The following ROS1 variants were observed in gnomAD, a reference collection of about 807,000 sequenced individuals.
ROS1 encodes the protein ROS proto-oncogene 1, receptor tyrosine kinase.
Under a neutral mutation model 273.5 loss-of-function variants are expected in ROS1, and 263 were observed. The observed-to-expected ratio is 0.96, with a 90% CI of 0.87 to 1.06. ROS1 has a LOEUF of 1.06. Ranked by LOEUF, ROS1 falls within the 50% of genes least tolerant of loss-of-function variation. ROS1 has a pLI of 0.00. For synonymous variants in ROS1, 1,008 were observed against 954.1 expected, an observed-to-expected ratio of 1.06 and a Z score of -1.04; for missense variants, 2,833 against 2,751.1, an observed-to-expected ratio of 1.03 and a Z score of -0.67.
In ROS1 at chr6:117,409,589, T is replaced by A; in HGVS notation, c.309A>T (p.Glu103Asp). ...TCGTGTGTGTCCTCTTACCCAGTAC[T>A]TCCTCTTCATATGCACCTTCCGCGC... ...CSSAEGAYEE[E>D]VLENADLPTA... The change falls in exon 5 of 44, where the codon GAA (glutamate) becomes GAT (aspartate). Residue 103 changes from glutamate (E) to aspartate (D), a missense_variant. Physicochemically the swap from Glu to Asp is conservative, Grantham distance 45. Coordinates refer to ENST00000368507, the MANE Select transcript of ROS1 (RefSeq NM_001378902.1). The A allele has an allele frequency of 1.2e-6, 2 of 1,613,468 alleles. No individual in the cohort carries two copies. The highest frequency in any genetic ancestry group is 1.7e-6 in the Non-Finnish European group (2 of 1,179,460).
chr6:117,386,913 A>T lies in ROS1; in HGVS notation c.2086T>A (p.Ser696Thr), dbSNP rs150866859. 1 of 1,606,052 alleles carries T rather than the reference A, an allele frequency of 6.2e-7. No individual in the cohort carries two copies. Among genetic ancestry groups the T allele is most frequent in the Non-Finnish European group, 8.5e-7 (1 of 1,173,532 alleles). Reference protein sequence around the residue: ...LNSFGPGEFLSSDIGNVSDMD... With the variant: ...LNSFGPGEFLTSDIGNVSDMD... ...CCTGACACATTTCCTATATCAGAGG[A>T]TAAGAACTCTCCTGGGCCAAAGCTA... The change falls in exon 15 of 44, where the codon TCC becomes ACC. Residue 696 changes from serine (S) to threonine (T), a missense_variant. Physicochemically the swap from Ser to Thr is moderately conservative, Grantham distance 58. Transcript: ENST00000368507.
At chr6:117,397,195 T>C in intron 7 of ROS1, 79 bp from the exon 8 acceptor site, 1 of 998,430 alleles carries the variant, frequency 1.0e-6, no homozygotes, top group Non-Finnish European at 1.5e-6. Context: ...AAAAAAGTCT[T>C]GTTTTTTTTT....
chr6:117,422,211 A>G (rs1775808853), intron 1 of ROS1, among the ~76,000 whole-genome samples: 2 of 152,092 alleles, frequency 1.3e-5, no homozygotes, highest in African/African-American at 2.4e-5. Context: ...GAGTCTCACC[A>G]TGTTGCCCAG....
chr6:117,339,057 C>T (rs764665777), intron 31 of ROS1, among the ~76,000 whole-genome samples: 1 of 152,126 alleles, frequency 6.6e-6, no homozygotes, highest in Non-Finnish European at 1.5e-5. Context: ...TTCTTCTATA[C>T]ACTGTTGTGA....
chr6:117,372,674 C>T (rs1428026915), intron 18 of ROS1, among the ~76,000 whole-genome samples: 1 of 152,110 alleles, frequency 6.6e-6, no homozygotes, highest in Non-Finnish European at 1.5e-5. Context: ...TCTGGAGTCG[C>T]TCATTCCTCT....
Position 117,357,951 on chromosome 6 carries a change from C to T in ROS1, c.3692G>A (p.Arg1231Lys). 6.2e-7 allele frequency: 1 copy of T among 1,613,710 alleles called. No individual in the cohort carries two copies. Among genetic ancestry groups the T allele is most frequent in the South Asian group, 1.1e-5 (1 of 91,054 alleles). Residue 1231 changes from arginine (R) to lysine (K), a missense_variant, in exon 25 of 44, where the codon AGG becomes AAG. Transcript: ENST00000368507. Reference protein sequence around the residue: ...ITVITIDWISRHLYFALKESQ... With the variant: ...ITVITIDWISKHLYFALKESQ... ...TTCTTTCAGTGCAAAGTAGAGGTGCCTTGAAATCCAGTCAATTGTAATAAC... is the reference window on the plus strand; with the variant it reads ...TTCTTTCAGTGCAAAGTAGAGGTGCTTTGAAATCCAGTCAATTGTAATAAC...
chr6:117,325,348 T>G (rs1277770972), intron 34 of ROS1, among the ~76,000 whole-genome samples: 1 of 152,140 alleles, frequency 6.6e-6, no homozygotes, highest in African/African-American at 2.4e-5. Context: ...ACCTGTATTC[T>G]AGGCTGAGGC....
Position 117,342,688 on chromosome 6 carries a change from A to C in ROS1, c.4507-144T>G. The C allele has an allele frequency of 7.0e-6, 4 of 574,288 alleles. No homozygotes were observed. The South Asian group carries it at 7.6e-5, about 11-fold the overall frequency. The allele number at this position is 574,288 out of a possible 1,614,324, so 35.6% of individuals were successfully genotyped here. On this transcript the variant is annotated intron_variant, in intron 28 of 43. Transcript: ENST00000368507. ...ATTCTGGATTATTAATGGTAATACC[A>C]CTGTCCAATCTACCCAGACCTGAGT...
At chr6:117,409,730 C>T (rs1160837334) in intron 4 of ROS1, 88 bp from the exon 5 acceptor site, 7 of 969,580 alleles carry the variant, frequency 7.2e-6, no homozygotes, top group Non-Finnish European at 1.2e-5. Context: ...ATCCGAATGC[C>T]TAATATGCAA....
At chr6:117,355,066 G>A (rs915355076) in intron 26 of ROS1, among the ~76,000 whole-genome samples, 2 of 152,186 alleles carry the variant, frequency 1.3e-5, no homozygotes, top group African/African-American at 4.8e-5. Flanking sequence ...GGGAGATGAA[G>A]AACTTGATCA....
chr6:117,366,453 A>G (rs997837553), intron 18 of ROS1, among the ~76,000 whole-genome samples, 163 bp from the exon 19 acceptor site: 3 of 152,192 alleles, frequency 2.0e-5, no homozygotes, highest in Non-Finnish European at 2.9e-5. Flanking sequence ...TTTGTTTCAT[A>G]TTAAGTTGGG....
At chr6:117,353,894 C>T (rs1480452668) in intron 26 of ROS1, among the ~76,000 whole-genome samples, 2 of 152,074 alleles carry the variant, frequency 1.3e-5, no homozygotes, top group Non-Finnish European at 2.9e-5. Flanking sequence ...TTAGAGTCTC[C>T]CTTCACTGAC....
At chr6:117,311,894 A>C (rs1443902893) in intron 39 of ROS1, among the ~76,000 whole-genome samples, 1 of 152,078 alleles carries the variant, frequency 6.6e-6, no homozygotes, top group East Asian at 1.9e-4. Context: ...ATTGTCCTGC[A>C]ATTACCCTGG....
chr6:117,383,785 T>C (rs1465498488), intron 16 of ROS1, among the ~76,000 whole-genome samples: 1 of 152,222 alleles, frequency 6.6e-6, no homozygotes, highest in African/African-American at 2.4e-5. Flanking sequence ...CTTTTCCTAA[T>C]TATACATCCA....
chr6:117,346,678 A>G (rs1778406178), intron 27 of ROS1, among the ~76,000 whole-genome samples: 1 of 152,076 alleles, frequency 6.6e-6, no homozygotes, highest in South Asian at 2.1e-4. Context: ...CACATGCATA[A>G]CTTTCCCCCA....
intron 25 of ROS1, among the ~76,000 whole-genome samples, chr6:117,357,266 GCTT>G (rs1472324690): frequency 6.6e-6 from 1 of 152,062 alleles, no homozygotes; most frequent in Non-Finnish European, 1.5e-5. Context: ...GTTTGTTTCT[GCTT>G]CTTAATACTA....
chr6:117,302,486 C>A (rs1774808772), intron 42 of ROS1, among the ~76,000 whole-genome samples: 1 of 152,120 alleles, frequency 6.6e-6, no homozygotes, highest in African/African-American at 2.4e-5. Context: ...AGGCATCAGC[C>A]CCTATTGGCA....
Position 117,324,370 on chromosome 6 carries a change from A to C in ROS1, c.5585T>G (p.Val1862Gly). ...GATTGTAACAACCAGAAATATTCCA[A>C]CTATAATAGTAAGTATGAAACTTGT... Reference protein sequence around the residue: ...PETSFILTIIVGIFLVVTIPL... With the variant: ...PETSFILTIIGGIFLVVTIPL... The change falls in exon 35 of 44, where the codon GTT (valine) becomes GGT (glycine). Residue 1862 changes from valine (V) to glycine (G), a missense_variant. Coordinates refer to ENST00000368507, the MANE Select transcript of ROS1 (RefSeq NM_001378902.1). 1 of 1,530,840 alleles carries C rather than the reference A, an allele frequency of 6.5e-7. No homozygotes were observed. The highest frequency in any genetic ancestry group is 2.3e-5 in the East Asian group (1 of 44,216). The allele number at this position is 1,530,840 out of a possible 1,614,324, so 94.8% of individuals were successfully genotyped here.
chr6:117,424,702 A>G (rs1343198112), intron 1 of ROS1, among the ~76,000 whole-genome samples: 2 of 152,170 alleles, frequency 1.3e-5, no homozygotes, highest in East Asian at 3.8e-4. Flanking sequence ...TCAAAAGTGT[A>G]TAAGTGCAAG....
Sources: gnomAD v4.1 joint callset for allele counts (sites outside exome capture counted in the v4.1 genomes callset) on GRCh38, gnomAD v4.1.1 for gene constraint, MANE v1.5 for transcripts, NCBI Gene and HGNC (gene_info 2026-07-23, HGNC 2026-07-21) for gene names.